PCSK2: variants seen among roughly 807,000 people sequenced by gnomAD.
PCSK2 encodes proprotein convertase subtilisin/kexin type 2.
A neutral mutation model predicts 69.7 loss-of-function variants in PCSK2; 14 were observed. The observed-to-expected ratio is 0.20, with a 90% CI of 0.13 to 0.31. PCSK2 has a LOEUF of 0.31. Ranked by LOEUF, PCSK2 falls within the 10% of genes least tolerant of loss-of-function variation. PCSK2 has a pLI of 1.00. For synonymous variants in PCSK2, 307 were observed against 320.7 expected, an observed-to-expected ratio of 0.96 and a Z score of 0.46; for missense variants, 544 against 842.5, an observed-to-expected ratio of 0.65 and a Z score of 4.39.
intron 6 of PCSK2, among the ~76,000 whole-genome samples, chr20:17,417,042 G>T (rs897454972): frequency 6.7e-6 from 1 of 149,498 alleles, no homozygotes; most frequent in African/African-American, 2.4e-5. Flanking sequence ...CAGACTGGGG[G>T]AGGGGTAGCA....
intron 2 of PCSK2, among the ~76,000 whole-genome samples, chr20:17,266,764 A>C (rs1987621921): frequency 6.6e-6 from 1 of 152,194 alleles, no homozygotes; most frequent in Non-Finnish European, 1.5e-5. Flanking sequence ...GAGTTACCCC[A>C]GTGTGAGGCA....
At chr20:17,291,227 TTCTTGAGCC>T (rs1988684590) in intron 2 of PCSK2, among the ~76,000 whole-genome samples, 1 of 152,136 alleles carries the variant, frequency 6.6e-6, no homozygotes, top group Non-Finnish European at 1.5e-5. Flanking sequence ...ACATACAACC[TTCTTGAGCC>T]TCTTTTATGT....
At chr20:17,437,997 A>C (rs6136091) in intron 8 of PCSK2, among the ~76,000 whole-genome samples, 87,871 of 142,092 alleles carry the variant, frequency 0.62, 25,904 homozygotes, top group South Asian at 0.71. Flanking sequence ...CCCCCCACCC[A>C]CACCGTGCTC....
chr20:17,370,380 C>A (rs1250245127), intron 5 of PCSK2, among the ~76,000 whole-genome samples: 1 of 152,120 alleles, frequency 6.6e-6, no homozygotes, highest in Non-Finnish European at 1.5e-5. Flanking sequence ...GTTTCATGCA[C>A]TGGGCAACAA....
At chr20:17,408,217 C>A (rs1272638849) in intron 5 of PCSK2, among the ~76,000 whole-genome samples, 3 of 151,834 alleles carry the variant, frequency 2.0e-5, no homozygotes, top group Non-Finnish European at 4.4e-5. Flanking sequence ...TCATTTCAGA[C>A]CCCCAAAACA....
intron 8 of PCSK2, among the ~76,000 whole-genome samples, chr20:17,450,734 CA>C (rs1156240350): frequency 6.6e-6 from 1 of 152,096 alleles, no homozygotes; most frequent in African/African-American, 2.4e-5. Context: ...GTGGAAGGGC[CA>C]AAAGGGGCCT....
intron 5 of PCSK2, among the ~76,000 whole-genome samples, chr20:17,377,816 T>A (rs539562437): frequency 1.3e-5 from 2 of 152,362 alleles, no homozygotes; most frequent in African/African-American, 4.8e-5. Flanking sequence ...ACTATTTATT[T>A]TTACAGAAAC....
intron 7 of PCSK2, among the ~76,000 whole-genome samples, chr20:17,435,639 C>T (rs919329393): frequency 6.6e-6 from 1 of 152,120 alleles, no homozygotes; most frequent in Non-Finnish European, 1.5e-5. Context: ...GTTTTGGGGC[C>T]CAGATTTTGA....
intron 5 of PCSK2, among the ~76,000 whole-genome samples, chr20:17,388,457 A>T (rs2031292049): frequency 1.3e-5 from 2 of 152,076 alleles, no homozygotes; most frequent in African/African-American, 4.8e-5. Flanking sequence ...TAGTTAAAGC[A>T]CCCTGAACTT....
At chr20:17,341,943 A>G (rs908255040) in intron 2 of PCSK2, among the ~76,000 whole-genome samples, 1 of 152,232 alleles carries the variant, frequency 6.6e-6, no homozygotes, top group Admixed American at 6.5e-5. Context: ...AATCCTGTCC[A>G]GCCTGCTTCA....
At chr20:17,241,367 C>T (rs924852275) in intron 1 of PCSK2, among the ~76,000 whole-genome samples, 4 of 152,094 alleles carry the variant, frequency 2.6e-5, no homozygotes, top group Non-Finnish European at 4.4e-5. Context: ...TGACCAGTCA[C>T]CCATACTATG....
intron 10 of PCSK2, among the ~76,000 whole-genome samples, chr20:17,458,544 G>C (rs2032962670): frequency 6.6e-6 from 1 of 152,202 alleles, no homozygotes; most frequent in African/African-American, 2.4e-5. Flanking sequence ...GTCAGGATGA[G>C]ATACTCCAAA....
intron 2 of PCSK2, among the ~76,000 whole-genome samples, chr20:17,320,238 C>T (rs967182036): frequency 6.6e-6 from 1 of 152,208 alleles, no homozygotes; most frequent in East Asian, 1.9e-4. Flanking sequence ...ACTTAGCTCT[C>T]ATCCATGTTG....
Position 17,348,096 on chromosome 20 carries a change from AAAG to A in PCSK2, c.283-10228_283-10226del, listed in dbSNP as rs879341342. ...GAAAGAAAGAAAGAAAGAAAGAAAG[AAAG>A]AAAGAAAAGAAAAGAAAGAGAGAGA... is the stretch of plus-strand genomic sequence containing the variant. On this transcript the variant is annotated intron_variant, in intron 2 of 11. Transcript: ENST00000262545. Among the ~76,000 whole-genome samples, 40 of 140,758 alleles carry A rather than the reference AAAG, an allele frequency of 2.8e-4. 1 individual carries two copies. Among genetic ancestry groups the A allele is most frequent in the East Asian group, 7.2e-4 (3 of 4,170 alleles). The allele number at this position is 140,758 out of a possible 152,430, so 92.3% of individuals were successfully genotyped here.
intron 2 of PCSK2, among the ~76,000 whole-genome samples, chr20:17,357,315 A>G (rs1398597478): frequency 1.3e-5 from 2 of 152,204 alleles, no homozygotes; most frequent in Non-Finnish European, 2.9e-5. Context: ...TTCTTCTCAG[A>G]GGTTCCTCTC....
At chr20:17,444,464 C>A (rs1246275265) in intron 8 of PCSK2, among the ~76,000 whole-genome samples, 6 of 152,172 alleles carry the variant, frequency 3.9e-5, no homozygotes, top group Non-Finnish European at 8.8e-5. Context: ...AGAAGGAAAT[C>A]CTTTTTTTCT....
intron 5 of PCSK2, among the ~76,000 whole-genome samples, chr20:17,387,783 G>T (rs1403640842): frequency 2.0e-5 from 3 of 152,162 alleles, no homozygotes; most frequent in African/African-American, 7.2e-5. Flanking sequence ...GGGGACAAGT[G>T]GCTGAATAGA....
At chr20:17,251,021 A>T (rs1413323669) in intron 1 of PCSK2, among the ~76,000 whole-genome samples, 1 of 152,144 alleles carries the variant, frequency 6.6e-6, no homozygotes, top group Non-Finnish European at 1.5e-5. Flanking sequence ...AATTGCTTGA[A>T]TCCAAGAGGC....
intron 2 of PCSK2, among the ~76,000 whole-genome samples, chr20:17,273,480 AAGTACATGTT>A (rs1288450447): frequency 3.3e-5 from 5 of 152,304 alleles, no homozygotes; most frequent in African/African-American, 1.2e-4. Context: ...ACTCCATCTA[AAGTACATGTT>A]AATTTCACAA....
Sources: allele counts gnomAD v4.1 joint callset (sites outside exome capture counted in the v4.1 genomes callset), GRCh38; gene constraint gnomAD v4.1.1; transcripts MANE v1.5; gene names NCBI Gene and HGNC (gene_info 2026-07-23, HGNC 2026-07-21).